Variants in XNDC1N observed in about 807,000 individuals in gnomAD.
The protein encoded by XNDC1N is XRCC1 N-terminal domain containing 1, N-terminal like.
chr11:71,882,397 A>G, the XNDC1N span, among the ~76,000 whole-genome samples: 4 of 152,038 alleles, frequency 2.6e-5, no homozygotes, highest in African/African-American at 9.7e-5. Context: ...ACGCCTGGCT[A>G]ATTTTGTATT....
chr11:71,889,958 C>G, the XNDC1N span, among the ~76,000 whole-genome samples: 1 of 152,140 alleles, frequency 6.6e-6, no homozygotes, highest in Non-Finnish European at 1.5e-5. Flanking sequence ...GGGATCGGCT[C>G]AGACAACGGG....
chr11:71,920,083 G>A, the XNDC1N span, among the ~76,000 whole-genome samples: 1 of 147,730 alleles, frequency 6.8e-6, no homozygotes, highest in Admixed American at 6.8e-5. Flanking sequence ...TCAGCCTCCC[G>A]AATAGCTGGG....
chr11:71,868,218 G>A, the XNDC1N span, among the ~76,000 whole-genome samples: 1 of 152,128 alleles, frequency 6.6e-6, no homozygotes, highest in Admixed American at 6.5e-5. Flanking sequence ...ATACAGTTGG[G>A]GCTTGCTTCT....
At chr11:71,918,431 G>A in the XNDC1N span, among the ~76,000 whole-genome samples, 201 of 152,064 alleles carry the variant, frequency 1.3e-3, 1 homozygote, top group East Asian at 0.03. Context: ...ACAGGTGTGC[G>A]CCACCACACC....
the XNDC1N span, chr11:71,918,751 C>G: frequency 1.6e-6 from 1 of 615,730 alleles, no homozygotes; most frequent in South Asian, 1.9e-5. Flanking sequence ...CCACATTTCC[C>G]TTTGACACCC....
At chr11:71,890,721 C>T in the XNDC1N span, among the ~76,000 whole-genome samples, 2 of 151,916 alleles carry the variant, frequency 1.3e-5, no homozygotes, top group African/African-American at 4.8e-5. Flanking sequence ...TCATCGTCTC[C>T]CCTCATGATT....
At chr11:71,893,176 C>T in the XNDC1N span, among the ~76,000 whole-genome samples, 2 of 152,062 alleles carry the variant, frequency 1.3e-5, no homozygotes, top group Non-Finnish European at 2.9e-5. Flanking sequence ...AAGAGTAGGC[C>T]GTATTTTACT....
At chr11:71,873,227 G>C in the XNDC1N span, among the ~76,000 whole-genome samples, 2 of 151,800 alleles carry the variant, frequency 1.3e-5, no homozygotes, top group Non-Finnish European at 2.9e-5. Context: ...ATACTTTCAT[G>C]AATTCTAGTA....
chr11:71,901,238 G>A, the XNDC1N span, among the ~76,000 whole-genome samples: 1 of 152,146 alleles, frequency 6.6e-6, no homozygotes, highest in Admixed American at 6.5e-5. Flanking sequence ...TCCTATTGAG[G>A]AAGCTGGAAA....
At chr11:71,892,599 C>T in the XNDC1N span, among the ~76,000 whole-genome samples, 1 of 152,112 alleles carries the variant, frequency 6.6e-6, no homozygotes, top group African/African-American at 2.4e-5. Flanking sequence ...ACATGGTGTC[C>T]AATCTCTGCC....
the XNDC1N span, chr11:71,893,812 C>T: frequency 3.9e-6 from 4 of 1,037,890 alleles, no homozygotes; most frequent in East Asian, 1.6e-4. Flanking sequence ...AGGCATGCTC[C>T]TGACTGTGAT....
chr11:71,906,605 G>A, the XNDC1N span, among the ~76,000 whole-genome samples: 2 of 152,258 alleles, frequency 1.3e-5, no homozygotes, highest in East Asian at 3.9e-4. Context: ...GGGATATTAC[G>A]AATTTTATGA....
At chr11:71,919,808 G>A in the XNDC1N span, among the ~76,000 whole-genome samples, 1 of 150,080 alleles carries the variant, frequency 6.7e-6, no homozygotes, top group East Asian at 2.0e-4. Context: ...TAGTAGAGAC[G>A]GGGTTTCACC....
chr11:71,908,977 C>CA, the XNDC1N span, among the ~76,000 whole-genome samples: 1 of 152,126 alleles, frequency 6.6e-6, no homozygotes, highest in Non-Finnish European at 1.5e-5. Flanking sequence ...CAGAAGGCCA[C>CA]AAACGTTAAC....
At chr11:71,923,801 C>T in the XNDC1N span, among the ~76,000 whole-genome samples, 8 of 152,032 alleles carry the variant, frequency 5.3e-5, no homozygotes, top group Admixed American at 4.6e-4. Context: ...ATGATCCACC[C>T]GCCTCGGACT....
At chr11:71,911,305 G>GT in the XNDC1N span, among the ~76,000 whole-genome samples, 1 of 152,198 alleles carries the variant, frequency 6.6e-6, no homozygotes, top group East Asian at 1.9e-4. Flanking sequence ...ATTGAAGTTT[G>GT]TAACAGCCTA....
At chr11:71,876,092 C>G in the XNDC1N span, among the ~76,000 whole-genome samples, 2 of 152,070 alleles carry the variant, frequency 1.3e-5, no homozygotes, top group African/African-American at 2.4e-5. Context: ...ATTAATGCAT[C>G]AAAGTCCCCA....
At chr11:71,885,263 T>C in the XNDC1N span, among the ~76,000 whole-genome samples, 12,232 of 152,090 alleles carry the variant, frequency 0.08, 866 homozygotes, top group African/African-American at 0.19. Flanking sequence ...TCAGTGGGGG[T>C]GTGTCCACCT....
chr11:71,868,808 A>T, the XNDC1N span, among the ~76,000 whole-genome samples: 1 of 152,008 alleles, frequency 6.6e-6, no homozygotes, highest in Non-Finnish European at 1.5e-5. Context: ...GCATTTCCTA[A>T]ATTTGAATCA....
Sources: allele counts gnomAD v4.1 joint callset (sites outside exome capture counted in the v4.1 genomes callset), GRCh38; gene constraint gnomAD v4.1.1; transcripts MANE v1.5; gene names NCBI Gene and HGNC (gene_info 2026-07-23, HGNC 2026-07-21).